The following GRID2 variants were observed in gnomAD, a reference collection of about 807,000 sequenced individuals.
GRID2 encodes the protein glutamate ionotropic receptor delta type subunit 2.
In GRID2, 33 loss-of-function variants were observed where a neutral mutation model predicts 114.8. The observed-to-expected ratio is 0.29, with a 90% confidence interval of 0.22 to 0.38. GRID2 has a LOEUF of 0.38. Ranked by LOEUF, GRID2 falls within the 10% of genes least tolerant of loss-of-function variation. The pLI is 1.00. For synonymous variants in GRID2, 505 were observed against 449.9 expected (o/e 1.12, Z -1.55); for missense variants, 1,184 against 1,257.7 (o/e 0.94, Z 0.89).
At chr4:92,615,855 T>C (rs1729982185) in intron 2 of GRID2, among the ~76,000 whole-genome samples, 1 of 151,648 alleles carries the variant, frequency 6.6e-6, no homozygotes, top group Admixed American at 6.6e-5. Flanking sequence ...AATATTAACT[T>C]GATTCCAGTA....
chr4:93,054,600 G>A (rs1350019545), intron 2 of GRID2, among the ~76,000 whole-genome samples: 1 of 151,742 alleles, frequency 6.6e-6, no homozygotes, highest in African/African-American at 2.4e-5. Context: ...CAAATAAGTG[G>A]CACTCTTTAT....
intron 1 of GRID2, among the ~76,000 whole-genome samples, chr4:92,437,193 G>A (rs967939973): frequency 3.2e-4 from 48 of 152,092 alleles, no homozygotes; most frequent in African/African-American, 1.0e-3. Context: ...ATAAATATTC[G>A]GTGCACTGAA....
intron 2 of GRID2, among the ~76,000 whole-genome samples, chr4:92,840,787 G>A (rs1742834219): frequency 6.6e-6 from 1 of 151,892 alleles, no homozygotes. Flanking sequence ...CAAAATCAAA[G>A]GAATAGTTCA....
At chr4:92,424,245 G>A (rs1732044511) in intron 1 of GRID2, among the ~76,000 whole-genome samples, 1 of 151,986 alleles carries the variant, frequency 6.6e-6, no homozygotes, top group East Asian at 1.9e-4. Flanking sequence ...TTATTGCAAA[G>A]GAAAGAGTTA....
intron 8 of GRID2, among the ~76,000 whole-genome samples, chr4:93,325,003 A>AT (rs1454951452): frequency 1.3e-5 from 2 of 150,642 alleles, no homozygotes; most frequent in African/African-American, 4.9e-5. Flanking sequence ...GGATTCATTG[A>AT]TTTTTTGAAG....
intron 1 of GRID2, among the ~76,000 whole-genome samples, chr4:92,463,991 C>T (rs982849848): frequency 6.6e-6 from 1 of 151,590 alleles, no homozygotes; most frequent in African/African-American, 2.4e-5. Context: ...ATTGAAATGA[C>T]TATATTTTCC....
At chr4:93,023,093 TTGTGTGTGTG>T (rs370431407) in intron 2 of GRID2, among the ~76,000 whole-genome samples, 31 of 143,934 alleles carry the variant, frequency 2.2e-4, no homozygotes, top group African/African-American at 6.3e-4. Flanking sequence ...CAGAGAACAT[TTGTGTGTGTG>T]TGTGTGTGTG....
chr4:92,675,089 G>A (rs905951677), intron 2 of GRID2, among the ~76,000 whole-genome samples: 1 of 152,110 alleles, frequency 6.6e-6, no homozygotes, highest in Admixed American at 6.5e-5. Context: ...GTTCTGACAA[G>A]TAGTTAACTT....
rs140547632 is a variant in GRID2, at chr4:92,683,038, A to G, written c.244+92752A>G. 2.9e-3 allele frequency among the ~76,000 whole-genome samples: 446 copies of G among 152,138 alleles called. 12 individuals carry two copies. The East Asian group carries it at 0.069, about 23-fold the overall frequency. ...TAATAGGCTAGGTGCGGTGGCTCAC[A>G]CCTGTAATCCCAGCACTTTGGGAGG... On this transcript the variant is annotated intron_variant, in intron 2 of 15. Transcript: ENST00000282020.
intron 2 of GRID2, among the ~76,000 whole-genome samples, chr4:92,615,872 A>T (rs1183064521): frequency 6.6e-6 from 1 of 151,270 alleles, no homozygotes; most frequent in Non-Finnish European, 1.5e-5. Flanking sequence ...AGTAAGATAT[A>T]CAATATTGCT....
At chr4:92,414,900 T>C (rs148389509) in intron 1 of GRID2, among the ~76,000 whole-genome samples, 57 of 152,280 alleles carry the variant, frequency 3.7e-4, no homozygotes, top group East Asian at 1.9e-4. Context: ...GAGCTGATTA[T>C]ATTGCAGTGG....
intron 2 of GRID2, among the ~76,000 whole-genome samples, chr4:92,904,908 A>G (rs1202071021): frequency 6.6e-6 from 1 of 152,024 alleles, no homozygotes; most frequent in South Asian, 2.1e-4. Flanking sequence ...AAGAAATATT[A>G]TAGTAGATCA....
rs56056248 is a variant in GRID2, at chr4:93,252,329, A to ATTTT, written c.1245+13854_1245+13857dup. Among the ~76,000 whole-genome samples the ATTTT allele has an allele frequency of 1.1e-4, 13 of 119,754 alleles. 1 individual carries two copies. The highest frequency in any genetic ancestry group is 1.3e-4 in the Non-Finnish European group (8 of 60,428). The allele number at this position is 119,754 out of a possible 152,430, so 78.6% of individuals were successfully genotyped here. Reference sequence around the variant, plus strand: ...CCTTTTATTGAATAGGGAATCCTTCATTTTTTTTTTTTTTTTTTGGTTAGG... The same window carrying ATTTT: ...CCTTTTATTGAATAGGGAATCCTTCATTTTTTTTTTTTTTTTTTTTTTGGTTAGG... On this transcript the variant is annotated intron_variant, in intron 8 of 15. Coordinates refer to ENST00000282020, the MANE Select transcript of GRID2 (RefSeq NM_001510.4).
intron 2 of GRID2, among the ~76,000 whole-genome samples, chr4:92,878,787 T>C (rs1745802031): frequency 6.6e-6 from 1 of 152,068 alleles, no homozygotes; most frequent in South Asian, 2.1e-4. Context: ...AGAGATGACA[T>C]CCATACAAGG....
intron 14 of GRID2, among the ~76,000 whole-genome samples, chr4:93,720,966 GA>G (rs1462701036): frequency 6.6e-6 from 1 of 152,126 alleles, no homozygotes; most frequent in Non-Finnish European, 1.5e-5. Context: ...TTTATAGGAT[GA>G]ACACAAGATA....
At chr4:93,605,005 C>G (rs1740074096) in intron 13 of GRID2, among the ~76,000 whole-genome samples, 1 of 152,116 alleles carries the variant, frequency 6.6e-6, no homozygotes, top group African/African-American at 2.4e-5. Context: ...CCTGCAGTAT[C>G]TCTGAGGTAT....
intron 1 of GRID2, among the ~76,000 whole-genome samples, chr4:92,352,340 TTTATTATTATTA>T (rs138987661): frequency 0.015 from 2,151 of 147,134 alleles, 20 homozygotes; most frequent in South Asian, 0.03. Flanking sequence ...ATTGGATTAT[TTTATTATTATTA>T]TTATTATTAT....
chr4:93,052,733 G>C (rs1341225931), intron 2 of GRID2, among the ~76,000 whole-genome samples: 2 of 151,826 alleles, frequency 1.3e-5, no homozygotes, highest in African/African-American at 2.4e-5. Context: ...ATGATTCTGA[G>C]CCTGATTCTC....
At chr4:92,755,912 G>C (rs1737695799) in intron 2 of GRID2, among the ~76,000 whole-genome samples, 1 of 152,118 alleles carries the variant, frequency 6.6e-6, no homozygotes, top group Admixed American at 6.6e-5. Flanking sequence ...GATCAAGTCA[G>C]GGTAGCTAAG....
Sources: gnomAD v4.1 joint callset for allele counts (sites outside exome capture counted in the v4.1 genomes callset) on GRCh38, gnomAD v4.1.1 for gene constraint, MANE v1.5 for transcripts, NCBI Gene and HGNC (gene_info 2026-07-23, HGNC 2026-07-21) for gene names.